BLNK: variants seen among roughly 807,000 people sequenced by gnomAD.
BLNK encodes the protein B-cell linker protein.
In BLNK, 29 loss-of-function variants were observed where a neutral mutation model predicts 73.5. The observed-to-expected ratio is 0.39, with a 90% CI of 0.29 to 0.54. The LOEUF (loss-of-function observed/expected upper bound fraction) is 0.54, where lower values mean the gene tolerates loss of function less well. Among genes scored for constraint, BLNK ranks in the 20% least tolerant of loss-of-function variants. The pLI is 0.61. For missense variants in BLNK, 460 were observed against 562.8 expected, an observed-to-expected ratio of 0.82 and a Z score of 1.85; for synonymous variants, 176 against 200.8, an observed-to-expected ratio of 0.88 and a Z score of 1.04.
At chr10:96,254,342 A>G (rs1398591364) in intron 1 of BLNK, among the ~76,000 whole-genome samples, 1 of 152,184 alleles carries the variant, frequency 6.6e-6, no homozygotes, top group Non-Finnish European at 1.5e-5. Flanking sequence ...GTGGTTGCCA[A>G]TGGCCAGGCA....
rs782397408 is a variant in BLNK at position 96,207,089 on chromosome 10, T to C, written c.775-36A>G. On this transcript the variant is annotated intron_variant, in intron 10 of 16. Transcript: ENST00000224337. ...GAAAAAAAGGCAAGGTTATTCAATA[T>C]AGCAGAATGTGGAAATAAATGTCAG... The C allele has an allele frequency of 2.9e-5, 45 of 1,569,234 alleles. No individual in the cohort carries two copies. The East Asian group carries it at 9.2e-4, about 32-fold the overall frequency.
At chr10:96,252,829 T>C (rs1231609569) in intron 1 of BLNK, among the ~76,000 whole-genome samples, 1 of 152,122 alleles carries the variant, frequency 6.6e-6, no homozygotes, top group African/African-American at 2.4e-5. Context: ...ATTGCTATTA[T>C]AATATGGTGC....
intron 1 of BLNK, among the ~76,000 whole-genome samples, chr10:96,257,128 G>T (rs115411653): frequency 0.011 from 1,688 of 152,226 alleles, 42 homozygotes; most frequent in African/African-American, 0.038. Context: ...GATGTTTCGG[G>T]TCCAGTGAGC....
At chr10:96,205,111 G>T in intron 11 of BLNK, 1 of 167,036 alleles carries the variant, frequency 6.0e-6, no homozygotes, top group Non-Finnish European at 1.3e-5. Context: ...AAAATTAATT[G>T]GATCAAATTC....
At chr10:96,222,109 A>G (rs983018295) in intron 6 of BLNK, among the ~76,000 whole-genome samples, 6 of 152,354 alleles carry the variant, frequency 3.9e-5, no homozygotes, top group African/African-American at 1.4e-4. Flanking sequence ...TGTGTGAGGC[A>G]CTGTATTTAG....
At chr10:96,220,386 G>C (rs1211988850) in intron 6 of BLNK, among the ~76,000 whole-genome samples, 1 of 152,176 alleles carries the variant, frequency 6.6e-6, no homozygotes, top group Non-Finnish European at 1.5e-5. Flanking sequence ...TCCCAAAGAA[G>C]ACTGATAGGA....
intron 6 of BLNK, among the ~76,000 whole-genome samples, chr10:96,217,034 G>A (rs2084084190): frequency 6.6e-6 from 1 of 152,146 alleles, no homozygotes; most frequent in Admixed American, 6.5e-5. Flanking sequence ...TATAGATTTT[G>A]CCCATTCTGG....
chr10:96,266,482 T>G (rs1844012479), intron 1 of BLNK, among the ~76,000 whole-genome samples: 1 of 152,186 alleles, frequency 6.6e-6, no homozygotes, highest in Non-Finnish European at 1.5e-5. Context: ...GAAGTTGCCT[T>G]GAGTTTTCTT....
intron 6 of BLNK, 65 bp downstream of exon 6, chr10:96,223,761 T>C: frequency 3.2e-6 from 5 of 1,581,582 alleles, no homozygotes; most frequent in Non-Finnish European, 4.3e-6. Flanking sequence ...GCGGGCAGGC[T>C]GTCCTGGTCG....
intron 15 of BLNK, among the ~76,000 whole-genome samples, chr10:96,198,767 C>T (rs782818876): frequency 3.3e-5 from 5 of 152,228 alleles, no homozygotes; most frequent in South Asian, 2.1e-4. Context: ...GGCATGATCT[C>T]GGCTCACTGC....
At chr10:96,251,093 T>A (rs1263730824) in intron 1 of BLNK, among the ~76,000 whole-genome samples, 1 of 152,260 alleles carries the variant, frequency 6.6e-6, no homozygotes, top group East Asian at 1.9e-4. Context: ...TTAACTATAG[T>A]CACCCTAGAT....
intron 1 of BLNK, among the ~76,000 whole-genome samples, chr10:96,260,348 T>C (rs904358132): frequency 6.6e-6 from 1 of 152,224 alleles, no homozygotes; most frequent in African/African-American, 2.4e-5. Flanking sequence ...CTGTCTGTCC[T>C]CTACCAGCAT....
intron 1 of BLNK, 45 bp downstream of exon 1, chr10:96,271,307 G>GA: frequency 6.3e-7 from 1 of 1,596,858 alleles, no homozygotes; most frequent in Non-Finnish European, 8.6e-7. Flanking sequence ...GCACTGGGGG[G>GA]AAAAAAAGGA....
At chr10:96,207,698 A>G (rs1481758336) in intron 10 of BLNK, among the ~76,000 whole-genome samples, 174 bp downstream of exon 10, 3 of 152,176 alleles carry the variant, frequency 2.0e-5, no homozygotes, top group Admixed American at 6.5e-5. Context: ...AGGGAGGAGC[A>G]TCCTCCCTGG....
In BLNK at chr10:96,242,714, A is replaced by C. The variant is rs587742705; in HGVS notation, c.163+21T>G. On this transcript the variant is annotated intron_variant, in intron 3 of 16. Coordinates refer to ENST00000224337, the MANE Select transcript of BLNK (RefSeq NM_013314.4). Reference sequence around the variant, plus strand: ...ATTAAATTAGTCAAGAGTCAGTTAAAGTATCTGAGAAATACCTTACCTGAA... The same window carrying C: ...ATTAAATTAGTCAAGAGTCAGTTAACGTATCTGAGAAATACCTTACCTGAA... 1.4e-5 allele frequency: 22 copies of C among 1,605,484 alleles called. No individual in the cohort carries two copies. In the South Asian group the frequency reaches 2.4e-4, roughly 18 times the overall value.
intron 16 of BLNK, 132 bp from the exon 17 acceptor site, chr10:96,192,224 T>A: frequency 7.7e-7 from 1 of 1,298,334 alleles, no homozygotes; most frequent in Admixed American, 2.0e-5. Flanking sequence ...CACAAAAAAA[T>A]CTAGTTTAAC....
intron 8 of BLNK, among the ~76,000 whole-genome samples, chr10:96,214,157 C>CCTAGGGGAGAGGG (rs2084009454): frequency 2.0e-5 from 3 of 152,048 alleles, no homozygotes; most frequent in Non-Finnish European, 4.4e-5. Flanking sequence ...TGTGTGTGCA[C>CCTAGGGGAGAGGG]ACGCGCATAT....
In BLNK at chr10:96,209,840, G is replaced by A. The variant is rs147455437; in HGVS notation, c.744C>T (p.Ala248=). Residue 248 remains alanine (A), a splice_region_variant and synonymous_variant, in exon 9 of 17, where the codon GCC becomes GCT. Coordinates refer to ENST00000224337, the MANE Select transcript of BLNK (RefSeq NM_013314.4). ...TGCTTCCTGCAACAGGTACTTACCC[G>A]GCCCGTGGCAACGGGGATGGTGCAG... is the stretch of plus-strand genomic sequence containing the variant. ...PPAAPSPLPR[A]GKKPTTPLKT... 343 of 1,614,210 alleles carry A rather than the reference G, an allele frequency of 2.1e-4. 1 individual carries two copies. The South Asian group carries it at 2.4e-3, about 11-fold the overall frequency.
At chr10:96,228,424 T>C (rs587704831) in intron 4 of BLNK, among the ~76,000 whole-genome samples, 1 of 152,246 alleles carries the variant, frequency 6.6e-6, no homozygotes, top group Admixed American at 6.5e-5. Context: ...GCCCAGCTAA[T>C]TTTTGTATTT....
Sources: gnomAD v4.1 joint callset for allele counts (sites outside exome capture counted in the v4.1 genomes callset) on GRCh38, gnomAD v4.1.1 for gene constraint, MANE v1.5 for transcripts, NCBI Gene and HGNC (gene_info 2026-07-23, HGNC 2026-07-21) for gene names.